TTC39C: variants seen among roughly 807,000 people sequenced by gnomAD.
TTC39C encodes tetratricopeptide repeat protein 39C.
Under a neutral mutation model 76.3 loss-of-function variants are expected in TTC39C, and 33 were observed. The observed-to-expected ratio is 0.43, with a 90% CI of 0.33 to 0.58. TTC39C has a LOEUF of 0.58. Ranked by LOEUF, TTC39C falls within the 20% of genes least tolerant of loss-of-function variation. The probability of loss-of-function intolerance (pLI) is 0.04; values close to 1 mark genes in which losing one functional copy is unlikely to be tolerated. For missense variants in TTC39C, 595 were observed against 701.4 expected, an observed-to-expected ratio of 0.85 and a Z score of 1.71; for synonymous variants, 254 against 260.6, an observed-to-expected ratio of 0.97 and a Z score of 0.24.
At chr18:24,022,046 C>CT (rs1298722163) in intron 1 of TTC39C, among the ~76,000 whole-genome samples, 2 of 151,996 alleles carry the variant, frequency 1.3e-5, no homozygotes, top group Non-Finnish European at 2.9e-5. Flanking sequence ...GCTTAGGTGA[C>CT]TTTTTTTTCT....
intron 5 of TTC39C, among the ~76,000 whole-genome samples, chr18:24,081,951 A>AC (rs2084380014): frequency 2.0e-5 from 3 of 151,924 alleles, no homozygotes; most frequent in Non-Finnish European, 4.4e-5. Flanking sequence ...TTATAAGCAC[A>AC]CCAGAAGTAT....
chr18:24,021,051 C>T (rs1452126065), intron 1 of TTC39C, among the ~76,000 whole-genome samples: 2 of 152,090 alleles, frequency 1.3e-5, no homozygotes, highest in African/African-American at 4.8e-5. Context: ...CATTTTTGCA[C>T]CTGGTCTCCT....
Position 24,080,827 on chromosome 18 carries a change from C to T in TTC39C, c.703C>T (p.Pro235Ser). 1.2e-6 allele frequency: 2 copies of T among 1,614,106 alleles called. No homozygotes were observed. The highest frequency in any genetic ancestry group is 1.7e-6 in the Non-Finnish European group (2 of 1,180,012). The change falls in exon 5 of 14, where the codon CCA becomes TCA. Residue 235 changes from proline to serine, a missense_variant. Transcript: ENST00000317571. ...TCACCTTTGCATATCCATGGTGCCC[C>T]CAAACCTGCTCAAAATCATCAACCT... ...LFHLCISMVP[P>S]NLLKIINLLG...
chr18:24,023,134 C>T (rs753465650), intron 1 of TTC39C, among the ~76,000 whole-genome samples: 5 of 152,116 alleles, frequency 3.3e-5, no homozygotes, highest in Non-Finnish European at 7.4e-5. Flanking sequence ...AAGTGCAGCC[C>T]AGGAGGCGGC....
At chr18:24,028,623 T>C (rs1171008233) in intron 1 of TTC39C, among the ~76,000 whole-genome samples, 1 of 152,244 alleles carries the variant, frequency 6.6e-6, no homozygotes, top group Non-Finnish European at 1.5e-5. Flanking sequence ...TACTGAGAAC[T>C]GGTTCACACA....
rs2085164380 is a variant in TTC39C at position 24,133,827 on chromosome 18, A to G, written c.*1253A>G. 1 of 152,222 alleles carries G rather than the reference A, an allele frequency of 6.6e-6. No homozygotes were observed. Among genetic ancestry groups the G allele is most frequent in the South Asian group, 2.1e-4 (1 of 4,836 alleles). 9.4% of individuals were successfully genotyped at this position (152,222 alleles called of 1,614,324 possible). On this transcript the variant is annotated 3_prime_UTR_variant, in exon 14 of 14. Coordinates refer to ENST00000317571, the MANE Select transcript of TTC39C (RefSeq NM_001135993.2). The stretch of plus-strand genomic sequence containing the variant: ...TCAATGTTTAAGGTTAGATTTTTAA[A>G]GAAATTTTTATTGAGCTAAAGGATA...
upstream of TTC39C, among the ~76,000 whole-genome samples, chr18:24,013,711 T>A (rs999388657): frequency 3.9e-5 from 6 of 152,304 alleles, no homozygotes; most frequent in African/African-American, 1.4e-4. Context: ...CATTAAGGGA[T>A]TTTGCTAAAT....
chr18:24,088,041 A>G (rs1402277623), intron 6 of TTC39C, among the ~76,000 whole-genome samples: 2 of 152,188 alleles, frequency 1.3e-5, no homozygotes, highest in South Asian at 2.1e-4. Context: ...ATCAAGGACT[A>G]TTTACTTTTC....
intron 1 of TTC39C, among the ~76,000 whole-genome samples, chr18:24,047,339 C>T (rs555962333): frequency 2.0e-5 from 3 of 149,110 alleles, no homozygotes; most frequent in African/African-American, 5.2e-5. Flanking sequence ...GTGATCCACC[C>T]GCCTCAGCCT....
chr18:24,054,720 A>G (rs960691826), intron 1 of TTC39C, among the ~76,000 whole-genome samples: 42 of 152,338 alleles, frequency 2.8e-4, no homozygotes, highest in African/African-American at 9.9e-4. Flanking sequence ...AAGTTTTTTC[A>G]ATTAATTTGT....
chr18:24,080,079 G>A (rs150365906), intron 4 of TTC39C, among the ~76,000 whole-genome samples: 212 of 152,254 alleles, frequency 1.4e-3, no homozygotes, highest in African/African-American at 4.7e-3. Context: ...TGAGATTACA[G>A]GCATGAGCCA....
chr18:24,033,483 C>T (rs2145679822), intron 1 of TTC39C, among the ~76,000 whole-genome samples: 1 of 152,316 alleles, frequency 6.6e-6, no homozygotes, highest in African/African-American at 2.4e-5. Flanking sequence ...ACTCCACCTT[C>T]CCTTCCTGGA....
intron 10 of TTC39C, among the ~76,000 whole-genome samples, chr18:24,126,495 G>T (rs1210735281): frequency 1.3e-5 from 2 of 149,568 alleles, no homozygotes; most frequent in Non-Finnish European, 3.0e-5. Flanking sequence ...TGCCAATGTT[G>T]CTATTCTGGA....
chr18:24,044,777 A>T (rs190154015), intron 1 of TTC39C, among the ~76,000 whole-genome samples: 21 of 152,364 alleles, frequency 1.4e-4, no homozygotes, highest in Admixed American at 1.4e-3. Flanking sequence ...TCAGGTAGGA[A>T]GATATTAGCA....
chr18:24,111,715 T>C lies in TTC39C; in HGVS notation c.985-2839T>C, dbSNP rs1336723660. Reference sequence around the variant, plus strand: ...TTTGGGACCAGCATGGGCAGTGTAGTGAGACCCCTGTCTACAAAATATTAA... The same window carrying C: ...TTTGGGACCAGCATGGGCAGTGTAGCGAGACCCCTGTCTACAAAATATTAA... On this transcript the variant is annotated intron_variant, in intron 6 of 13. Coordinates refer to ENST00000317571, the MANE Select transcript of TTC39C (RefSeq NM_001135993.2). Among the ~76,000 whole-genome samples the C allele has an allele frequency of 3.3e-5, 5 of 151,766 alleles. No homozygotes were observed. In the East Asian group the frequency reaches 9.7e-4, roughly 29 times the overall value.
chr18:24,013,399 ATATTCT>A (rs1398821116), upstream of TTC39C, among the ~76,000 whole-genome samples: 1 of 152,232 alleles, frequency 6.6e-6, no homozygotes, highest in Non-Finnish European at 1.5e-5. Flanking sequence ...ATGGATTTAG[ATATTCT>A]TATAAGGGAT....
chr18:24,046,058 C>A (rs1270129046), intron 1 of TTC39C, among the ~76,000 whole-genome samples: 7 of 148,628 alleles, frequency 4.7e-5, no homozygotes, highest in Non-Finnish European at 8.9e-5. Context: ...CCTGTCTCAG[C>A]CTCCCGAGTA....
At chr18:24,112,974 T>G (rs1054347811) in intron 6 of TTC39C, among the ~76,000 whole-genome samples, 16 of 152,010 alleles carry the variant, frequency 1.1e-4, no homozygotes, top group Non-Finnish European at 1.6e-4. Flanking sequence ...TTTTTAACCT[T>G]GGTGTTTTGT....
chr18:24,088,831 C>T (rs1303169661), intron 6 of TTC39C, among the ~76,000 whole-genome samples: 1 of 152,182 alleles, frequency 6.6e-6, no homozygotes, highest in East Asian at 1.9e-4. Context: ...CAATTCCCTA[C>T]GAAGCTCTGT....
Sources: gnomAD v4.1 joint callset for allele counts (sites outside exome capture counted in the v4.1 genomes callset) on GRCh38, gnomAD v4.1.1 for gene constraint, MANE v1.5 for transcripts, NCBI Gene and HGNC (gene_info 2026-07-23, HGNC 2026-07-21) for gene names.